PCDHA10: variants seen among roughly 807,000 people sequenced by gnomAD.
The protein encoded by PCDHA10 is protocadherin alpha 10.
PCDHA10 carries 45 observed loss-of-function variants against 61.2 expected under a neutral mutation model. The ratio of observed to expected loss-of-function variants is 0.74; its 90% CI spans 0.58 to 0.94. PCDHA10 has a LOEUF of 0.94. Ranked by LOEUF, PCDHA10 falls within the 40% of genes least tolerant of loss-of-function variation. The pLI, the probability that PCDHA10 is intolerant of heterozygous loss-of-function variation, is 0.00. For missense variants in PCDHA10, 1,278 were observed against 1,236.2 expected (o/e 1.03, Z -0.51); for synonymous variants, 602 against 548.8 (o/e 1.10, Z -1.35).
chr5:140,939,807 C>G (rs927084385), intron 1 of PCDHA10, among the ~76,000 whole-genome samples: 1 of 152,088 alleles, frequency 6.6e-6, no homozygotes, highest in African/African-American at 2.4e-5. Context: ...TCTGCATGTT[C>G]AAGAAAAAGC....
At position 140,883,407 on chromosome 5, in the gene PCDHA10, G is replaced by C. The variant is rs2059598150; in HGVS notation, c.2388+24971G>C. On this transcript the variant is annotated intron_variant, in intron 1 of 3. Coordinates refer to ENST00000307360, the MANE Select transcript of PCDHA10 (RefSeq NM_018901.4). The stretch of plus-strand genomic sequence containing the variant: ...ATCAGTGTGTCCGATCGTGACTCTG[G>C]CTCAAATGGACAGGTCACCTGCACC... The C allele has an allele frequency of 1.9e-6, 3 of 1,614,170 alleles. No homozygotes were observed. In the East Asian group the frequency reaches 6.7e-5, roughly 36 times the overall value.
At chr5:140,969,761 T>C (rs886878870) in intron 1 of PCDHA10, among the ~76,000 whole-genome samples, 1 of 152,234 alleles carries the variant, frequency 6.6e-6, no homozygotes, top group African/African-American at 2.4e-5. Flanking sequence ...TAAAAAGCTC[T>C]GAGGCCTCTA....
intron 1 of PCDHA10, chr5:140,928,452 G>C: frequency 6.2e-7 from 1 of 1,614,126 alleles, no homozygotes; most frequent in Non-Finnish European, 8.5e-7. Context: ...AGCTCAGGGG[G>C]TTTCATTTCC....
At chr5:140,949,144 T>C (rs2094347159) in intron 1 of PCDHA10, among the ~76,000 whole-genome samples, 1 of 151,806 alleles carries the variant, frequency 6.6e-6, no homozygotes, top group Non-Finnish European at 1.5e-5. Context: ...TTGTTGCTTT[T>C]GATTTCTAAT....
intron 1 of PCDHA10, among the ~76,000 whole-genome samples, chr5:140,889,615 T>C (rs1261276866): frequency 6.6e-6 from 1 of 152,184 alleles, no homozygotes; most frequent in Non-Finnish European, 1.5e-5. Flanking sequence ...ATTATACTGA[T>C]TCATTTCTCT....
intron 1 of PCDHA10, chr5:140,865,271 T>C (rs1554159342): frequency 6.6e-6 from 1 of 152,236 alleles, no homozygotes; most frequent in East Asian, 1.9e-4. Flanking sequence ...TCAAATTATA[T>C]GTAAAATTAC....
intron 1 of PCDHA10, chr5:140,966,656 G>A: frequency 8.3e-7 from 1 of 1,203,372 alleles, no homozygotes; most frequent in East Asian, 3.0e-5. Flanking sequence ...GTGAGCGGTG[G>A]GGGAGCAGGC....
At chr5:140,942,867 C>T (rs1023164811) in intron 1 of PCDHA10, among the ~76,000 whole-genome samples, 5 of 151,858 alleles carry the variant, frequency 3.3e-5, no homozygotes, top group Admixed American at 1.3e-4. Context: ...TTTGCTTTAG[C>T]ATGACAACTT....
intron 1 of PCDHA10, chr5:140,966,556 A>C (rs2096021446): frequency 8.5e-6 from 4 of 469,720 alleles, no homozygotes; most frequent in Admixed American, 8.7e-5. Context: ...CGAGCGGAGG[A>C]GCTGGAATAT....
At position 141,010,190 on chromosome 5, in the gene PCDHA10, CCTTT is replaced by C. The variant is rs763940360; in HGVS notation, c.*256_*259del. On this transcript the variant is annotated 3_prime_UTR_variant, in exon 4 of 4. Coordinates refer to ENST00000307360, the MANE Select transcript of PCDHA10 (RefSeq NM_018901.4). ...GAACCTAAAAAGCAGACCCAAGTTT[CCTTT>C]CTCCTCCGCCGCAAAGGAGAGGCTT... 6.4e-7 allele frequency: 1 copy of C among 1,552,504 alleles called. No individual in the cohort carries two copies. Among genetic ancestry groups the C allele is most frequent in the Non-Finnish European group, 8.7e-7 (1 of 1,147,234 alleles).
intron 3 of PCDHA10, among the ~76,000 whole-genome samples, chr5:140,998,586 CAG>C (rs1340236276): frequency 1.4e-5 from 2 of 147,292 alleles, no homozygotes; most frequent in African/African-American, 5.1e-5. Context: ...TTTTTTGAGA[CAG>C]AGTTTTGCTC....
At chr5:140,965,343 T>C (rs1460433512) in intron 1 of PCDHA10, among the ~76,000 whole-genome samples, 1 of 152,154 alleles carries the variant, frequency 6.6e-6, no homozygotes, top group Admixed American at 6.5e-5. Flanking sequence ...TGTCTCTGTG[T>C]TGCCTCTATA....
At chr5:140,881,048 C>T (rs1409752539) in intron 1 of PCDHA10, among the ~76,000 whole-genome samples, 1 of 152,142 alleles carries the variant, frequency 6.6e-6, no homozygotes, top group Non-Finnish European at 1.5e-5. Context: ...TAGAGTTGTG[C>T]ACAGAACAGG....
At chr5:140,943,019 G>A (rs1554215345) in intron 1 of PCDHA10, among the ~76,000 whole-genome samples, 1 of 152,068 alleles carries the variant, frequency 6.6e-6, no homozygotes, top group Non-Finnish European at 1.5e-5. Flanking sequence ...CACTTTGGGA[G>A]GCTGAGGTGG....
At chr5:140,885,486 T>C (rs1420709904) in intron 1 of PCDHA10, among the ~76,000 whole-genome samples, 2 of 152,188 alleles carry the variant, frequency 1.3e-5, no homozygotes, top group Non-Finnish European at 2.9e-5. Context: ...TGTCAAGTGT[T>C]CTGTTATCTT....
At chr5:140,861,743 C>T in intron 1 of PCDHA10, 1 of 152,806 alleles carries the variant, frequency 6.5e-6, no homozygotes, top group Non-Finnish European at 1.4e-5. Context: ...CATACTGTGC[C>T]GCAATGATTA....
intron 1 of PCDHA10, among the ~76,000 whole-genome samples, chr5:140,913,649 T>A (rs1284685382): frequency 1.3e-5 from 2 of 152,166 alleles, no homozygotes; most frequent in Non-Finnish European, 2.9e-5. Flanking sequence ...TTTCTAGTTC[T>A]TTAAGATGTA....
At chr5:141,009,167 G>A (rs2098401919) in intron 3 of PCDHA10, among the ~76,000 whole-genome samples, 1 of 152,180 alleles carries the variant, frequency 6.6e-6, no homozygotes, top group African/African-American at 2.4e-5. Flanking sequence ...TGTAAATACT[G>A]GCCTTGGCTG....
At chr5:140,979,086 G>A in intron 2 of PCDHA10, 79 bp downstream of exon 2, 3 of 1,561,050 alleles carry the variant, frequency 1.9e-6, no homozygotes, top group South Asian at 2.4e-5. Flanking sequence ...CCATAGGCCA[G>A]AAGCAGCTGT....
Sources: gnomAD v4.1 joint callset for allele counts (sites outside exome capture counted in the v4.1 genomes callset) on GRCh38, gnomAD v4.1.1 for gene constraint, MANE v1.5 for transcripts, NCBI Gene and HGNC (gene_info 2026-07-23, HGNC 2026-07-21) for gene names.